The following SAMD12 variants were observed in gnomAD, a reference collection of about 807,000 sequenced individuals.
SAMD12 encodes sterile alpha motif domain containing 12, also known as sterile alpha motif domain-containing protein 12.
SAMD12 carries 9 observed loss-of-function variants against 15.0 expected under a neutral mutation model. The observed-to-expected ratio is 0.60, with a 90% CI of 0.36 to 1.05. SAMD12 has a LOEUF of 1.05. Among genes scored for constraint, SAMD12 ranks in the 50% least tolerant of loss-of-function variants. SAMD12 has a pLI of 0.01. For synonymous variants in SAMD12, 86 were observed against 90.1 expected, an observed-to-expected ratio of 0.96 and a Z score of 0.25; for missense variants, 230 against 234.2, an observed-to-expected ratio of 0.98 and a Z score of 0.12.
At chr8:118,335,094 T>C (rs1426584745) in intron 4 of SAMD12, among the ~76,000 whole-genome samples, 1 of 152,184 alleles carries the variant, frequency 6.6e-6, no homozygotes, top group East Asian at 1.9e-4. Flanking sequence ...TGAAGGTCTT[T>C]GCATCACACT....
the SAMD12 span, among the ~76,000 whole-genome samples, chr8:118,164,975 ATG>A: frequency 0.17 from 24,537 of 143,780 alleles, 2,073 homozygotes; most frequent in East Asian, 0.28. Context: ...CTGACACTAG[ATG>A]TGTGTGTGTG....
rs778182429 is a variant in SAMD12 at position 118,580,818 on chromosome 8, C to A, written c.89G>T (p.Gly30Val). 4.3e-6 allele frequency: 7 copies of A among 1,613,066 alleles called. No individual in the cohort carries two copies. Among genetic ancestry groups the A allele is most frequent in the Non-Finnish European group, 5.9e-6 (7 of 1,179,234 alleles). Reference protein sequence around the residue: ...HAEGIKLQIEGEGVESQSIKN... With the variant: ...HAEGIKLQIEVEGVESQSIKN... ...AATGGATTGAGATTCCACACCTTCA[C>A]CTTCAATTTGCAGTTTAATACCTTC... Residue 30 changes from glycine to valine, a missense_variant, in exon 2 of 4, where the codon GGT (glycine) becomes GTT (valine). Gly to Val is a moderately radical substitution (Grantham distance 109). Coordinates refer to ENST00000314727, the MANE Select transcript of SAMD12 (RefSeq NM_207506.3).
At chr8:118,176,013 AT>A in the SAMD12 span, among the ~76,000 whole-genome samples, 32 of 152,264 alleles carry the variant, frequency 2.1e-4, no homozygotes, top group Middle Eastern at 6.8e-3. Flanking sequence ...CAGAATAGAA[AT>A]TTTTTGGCCA....
chr8:118,247,768 A>G (rs796622858), intron 4 of SAMD12, among the ~76,000 whole-genome samples: 47 of 152,006 alleles, frequency 3.1e-4, no homozygotes, highest in African/African-American at 1.1e-3. Flanking sequence ...AATTTTTTGT[A>G]TTTTAGTAGA....
At chr8:118,484,495 T>C (rs539095327) in intron 2 of SAMD12, among the ~76,000 whole-genome samples, 78 of 152,292 alleles carry the variant, frequency 5.1e-4, no homozygotes, top group Non-Finnish European at 9.1e-4. Flanking sequence ...GGTATGTTTA[T>C]GGCACAGATT....
intron 4 of SAMD12, among the ~76,000 whole-genome samples, chr8:118,222,839 G>A (rs1370101562): frequency 6.6e-6 from 1 of 152,086 alleles, no homozygotes; most frequent in East Asian, 1.9e-4. Context: ...AGAGCTCTTG[G>A]TGGACTCCCA....
intron 4 of SAMD12, among the ~76,000 whole-genome samples, chr8:118,316,232 G>A (rs1815892626): frequency 6.6e-6 from 1 of 151,958 alleles, no homozygotes; most frequent in Non-Finnish European, 1.5e-5. Context: ...CATATCAAGA[G>A]CATATAAAAG....
intron 3 of SAMD12, among the ~76,000 whole-genome samples, chr8:118,415,293 A>T (rs967436457): frequency 1.2e-4 from 19 of 152,194 alleles, no homozygotes; most frequent in African/African-American, 4.6e-4. Context: ...TCCATCCAAG[A>T]TCTTTTCTTA....
At chr8:118,281,623 A>G (rs1032528479) in intron 4 of SAMD12, among the ~76,000 whole-genome samples, 2 of 152,156 alleles carry the variant, frequency 1.3e-5, no homozygotes, top group African/African-American at 4.8e-5. Flanking sequence ...TTTCCCTTTA[A>G]ATTGCATGAT....
intron 2 of SAMD12, among the ~76,000 whole-genome samples, chr8:118,481,247 G>A (rs973966361): frequency 5.3e-5 from 8 of 152,088 alleles, no homozygotes; most frequent in Admixed American, 1.3e-4. Context: ...GAGCCACTGC[G>A]CCCAGCCATT....
At chr8:118,415,024 C>G (rs1225852889) in intron 3 of SAMD12, among the ~76,000 whole-genome samples, 2 of 152,186 alleles carry the variant, frequency 1.3e-5, no homozygotes, top group South Asian at 4.1e-4. Context: ...AACAGTAAAG[C>G]TTGCCTATCA....
chr8:118,528,891 T>C (rs1342019106), intron 2 of SAMD12, among the ~76,000 whole-genome samples: 2 of 152,188 alleles, frequency 1.3e-5, no homozygotes, highest in African/African-American at 2.4e-5. Flanking sequence ...TTTTAGGTGC[T>C]TGCACTGCCT....
chr8:118,449,671 C>T (rs949642470), intron 2 of SAMD12, among the ~76,000 whole-genome samples: 6 of 151,328 alleles, frequency 4.0e-5, no homozygotes, highest in Non-Finnish European at 7.4e-5. Context: ...CAGTGGCAGG[C>T]GCCTGTAGTC....
At chr8:118,315,615 C>T (rs981513280) in intron 4 of SAMD12, among the ~76,000 whole-genome samples, 4 of 152,100 alleles carry the variant, frequency 2.6e-5, no homozygotes, top group African/African-American at 7.2e-5. Context: ...CTTGAGGGCT[C>T]GGGATAAGTG....
chr8:118,470,935 A>G (rs1341197560), intron 2 of SAMD12, among the ~76,000 whole-genome samples: 1 of 152,226 alleles, frequency 6.6e-6, no homozygotes, highest in African/African-American at 2.4e-5. Context: ...TACAACTAAG[A>G]CAGAAAAAGA....
intron 2 of SAMD12, among the ~76,000 whole-genome samples, chr8:118,554,168 A>C (rs991652521): frequency 0.011 from 1,707 of 152,134 alleles, 36 homozygotes; most frequent in African/African-American, 0.039. Context: ...TTTGACCCAG[A>C]CATCCCATTA....
chr8:118,242,021 TC>T (rs764220731), intron 4 of SAMD12, among the ~76,000 whole-genome samples: 1 of 152,092 alleles, frequency 6.6e-6, no homozygotes, highest in Non-Finnish European at 1.5e-5. Context: ...CAGGTTATCC[TC>T]CCACCTCAGC....
At chr8:118,460,393 A>G (rs1244504773) in intron 2 of SAMD12, among the ~76,000 whole-genome samples, 1 of 152,232 alleles carries the variant, frequency 6.6e-6, no homozygotes, top group Non-Finnish European at 1.5e-5. Context: ...ATGAAAAATC[A>G]AGGCTTGGGG....
At chr8:118,260,760 G>A (rs1813058936) in intron 4 of SAMD12, among the ~76,000 whole-genome samples, 1 of 152,150 alleles carries the variant, frequency 6.6e-6, no homozygotes, top group South Asian at 2.1e-4. Context: ...TCCCAGAGGT[G>A]ACTTTCTTCA....
Sources: gnomAD v4.1 joint callset for allele counts (sites outside exome capture counted in the v4.1 genomes callset) on GRCh38, gnomAD v4.1.1 for gene constraint, MANE v1.5 for transcripts, NCBI Gene and HGNC (gene_info 2026-07-23, HGNC 2026-07-21) for gene names.